Variants in DNAJC1 observed in about 807,000 individuals in gnomAD.
DNAJC1 encodes dnaJ homolog subfamily C member 1.
DNAJC1 carries 58 observed loss-of-function variants against 76.6 expected under a neutral mutation model. The observed-to-expected ratio is 0.76, with a 90% CI of 0.61 to 0.94. The LOEUF (loss-of-function observed/expected upper bound fraction) is 0.94. DNAJC1 is among the 40% of genes least tolerant of loss of function. The pLI is 0.00. For missense variants in DNAJC1, 689 were observed against 677.3 expected, an observed-to-expected ratio of 1.02 and a Z score of -0.19; for synonymous variants, 258 against 267.9, an observed-to-expected ratio of 0.96 and a Z score of 0.36.
At chr10:21,760,482 T>TA (rs1834228086) in intron 10 of DNAJC1, among the ~76,000 whole-genome samples, 1 of 152,188 alleles carries the variant, frequency 6.6e-6, no homozygotes, top group Non-Finnish European at 1.5e-5. Context: ...TTTTCAATTA[T>TA]TAAATTGGCA....
In DNAJC1 at chr10:22,003,619, C is replaced by G. The variant is rs957020146; in HGVS notation, c.-185G>C. ...GAGGCGGCGGGAGCCGGCTGCCGGA[C>G]GGGCGGGTGGGTAGGCGGGCGGGGC... On this transcript the variant is annotated 5_prime_UTR_variant, in exon 1 of 12. Coordinates refer to ENST00000376980, the MANE Select transcript of DNAJC1 (RefSeq NM_022365.4). 9 of 572,284 alleles carry G rather than the reference C, an allele frequency of 1.6e-5. No homozygotes were observed. The highest frequency in any genetic ancestry group is 6.3e-5 in the South Asian group (1 of 15,774). 35.5% of individuals were successfully genotyped at this position (572,284 alleles called of 1,614,324 possible).
At chr10:21,766,093 G>A (rs551642389) in intron 10 of DNAJC1, among the ~76,000 whole-genome samples, 168 bp downstream of exon 10, 1 of 152,308 alleles carries the variant, frequency 6.6e-6, no homozygotes, top group South Asian at 2.1e-4. Context: ...TGCAGGGCTG[G>A]ACTGGCTTGC....
chr10:21,961,364 T>C (rs910613016), intron 1 of DNAJC1, among the ~76,000 whole-genome samples: 2 of 152,230 alleles, frequency 1.3e-5, no homozygotes, highest in African/African-American at 2.4e-5. Context: ...AAATGCAGTA[T>C]ATACATACAA....
chr10:21,806,723 G>A (rs1474247285), intron 8 of DNAJC1, among the ~76,000 whole-genome samples: 8 of 149,786 alleles, frequency 5.3e-5, no homozygotes, highest in African/African-American at 7.4e-5. Context: ...TTTAAACTTC[G>A]GAACAGAAAT....
intron 1 of DNAJC1, among the ~76,000 whole-genome samples, chr10:21,942,159 C>T (rs1479363631): frequency 3.3e-5 from 5 of 151,916 alleles, no homozygotes; most frequent in Non-Finnish European, 4.4e-5. Context: ...GAAAAACAGA[C>T]GCAAACAAAA....
At chr10:21,770,157 T>A (rs1834356064) in intron 9 of DNAJC1, among the ~76,000 whole-genome samples, 2 of 152,166 alleles carry the variant, frequency 1.3e-5, no homozygotes, top group Non-Finnish European at 2.9e-5. Flanking sequence ...CCCTTCTCTC[T>A]CAGACCTCCA....
At position 21,860,140 on chromosome 10, in the gene DNAJC1, C is replaced by T. The variant is rs965084306; in HGVS notation, c.978+22142G>A. 8.3e-4 allele frequency among the ~76,000 whole-genome samples: 123 copies of T among 148,350 alleles called. 1 individual carries two copies. The highest frequency in any genetic ancestry group is 6.5e-4 in the Non-Finnish European group (44 of 67,430). On this transcript the variant is annotated intron_variant, in intron 8 of 11. Transcript: ENST00000376980. ...GGTAACTAGGACATACATTTATCTT[C>T]ACTTTGGTTTATACTAATGAAAAGG...
intron 9 of DNAJC1, among the ~76,000 whole-genome samples, chr10:21,799,323 G>T (rs1361378569): frequency 6.6e-6 from 1 of 151,928 alleles, no homozygotes; most frequent in Non-Finnish European, 1.5e-5. Context: ...TTTTGAGACA[G>T]GGGCTCACTC....
chr10:21,918,747 A>T (rs777990309), intron 6 of DNAJC1, 32 bp downstream of exon 6: 1 of 1,487,862 alleles, frequency 6.7e-7, no homozygotes, highest in Admixed American at 1.7e-5. Context: ...AAAATAAAAG[A>T]TCTAATGTTA....
intron 7 of DNAJC1, among the ~76,000 whole-genome samples, chr10:21,902,506 T>C (rs1224615921): frequency 3.3e-5 from 5 of 152,136 alleles, no homozygotes; most frequent in Non-Finnish European, 5.9e-5. Flanking sequence ...GGTTTCACCA[T>C]GTTGTCCAGG....
In DNAJC1 at chr10:21,882,439, T is replaced by A. The variant is rs1401517866; in HGVS notation, c.821A>T (p.Lys274Ile). 1 of 1,479,554 alleles carries A rather than the reference T, an allele frequency of 6.8e-7. No homozygotes were observed. The allele number at this position is 1,479,554 out of a possible 1,614,324, so 91.7% of individuals were successfully genotyped here. ...LTRTELETLQ[K>I]QKKVKKPKPE... ...TTTTGGTTTTTTAACTTTCTTCTGTTCTAAAAAATGTTTAAAAGAACCAAT... is the reference window on the plus strand; with the variant it reads ...TTTTGGTTTTTTAACTTTCTTCTGTACTAAAAAATGTTTAAAAGAACCAAT... Residue 274 changes from lysine (K) to isoleucine (I), a missense_variant and splice_region_variant, in exon 8 of 12, where the codon AAA becomes ATA. Transcript: ENST00000376980.
chr10:21,859,999 G>T (rs1835896087), intron 8 of DNAJC1, among the ~76,000 whole-genome samples: 1 of 151,930 alleles, frequency 6.6e-6, no homozygotes, highest in Non-Finnish European at 1.5e-5. Context: ...GGCCAGGCTG[G>T]TCTCAAACTC....
chr10:21,813,220 C>A (rs2793342), intron 8 of DNAJC1, among the ~76,000 whole-genome samples: 6,129 of 18,258 alleles, frequency 0.34, 1,320 homozygotes, highest in African/African-American at 0.37. Flanking sequence ...CTCTCTCTCT[C>A]TATATATATA....
At chr10:21,838,445 A>G (rs1303691057) in intron 8 of DNAJC1, among the ~76,000 whole-genome samples, 3 of 152,102 alleles carry the variant, frequency 2.0e-5, no homozygotes, top group African/African-American at 7.2e-5. Context: ...AAGAGTCATC[A>G]CCACTCCGTA....
chr10:21,935,748 G>A (rs1163241409), intron 1 of DNAJC1, among the ~76,000 whole-genome samples: 4 of 151,952 alleles, frequency 2.6e-5, no homozygotes, highest in African/African-American at 9.7e-5. Flanking sequence ...TCATGTATAA[G>A]GGATCTCCAA....
chr10:21,913,560 T>C (rs1836902743), intron 6 of DNAJC1, among the ~76,000 whole-genome samples: 1 of 152,208 alleles, frequency 6.6e-6, no homozygotes, highest in Non-Finnish European at 1.5e-5. Context: ...CACAGAGCAC[T>C]GATTATATGT....
intron 6 of DNAJC1, among the ~76,000 whole-genome samples, chr10:21,907,174 T>C (rs1235483370): frequency 3.9e-5 from 6 of 152,192 alleles, no homozygotes; most frequent in Non-Finnish European, 4.4e-5. Context: ...TCCTCACTTA[T>C]CTGAGGACTG....
In DNAJC1 at chr10:21,855,087, T is replaced by C. The variant is rs2131692908; in HGVS notation, c.978+27195A>G. On this transcript the variant is annotated intron_variant, in intron 8 of 11. Transcript: ENST00000376980. ...AAGATCTGACTTTTTTTGTATTGCATTGTTAAAAAGTTCTACCTCTAATAG... is the reference window on the plus strand; with the variant it reads ...AAGATCTGACTTTTTTTGTATTGCACTGTTAAAAAGTTCTACCTCTAATAG... Among the ~76,000 whole-genome samples the C allele has an allele frequency of 2.0e-5, 3 of 152,296 alleles. 1 individual carries two copies. Among genetic ancestry groups the C allele is most frequent in the Admixed American group, 2.0e-4 (3 of 15,290 alleles).
At chr10:21,899,116 A>G (rs550648968) in intron 7 of DNAJC1, among the ~76,000 whole-genome samples, 1 of 152,290 alleles carries the variant, frequency 6.6e-6, no homozygotes, top group East Asian at 1.9e-4. Flanking sequence ...CACTTCTCTC[A>G]CATATCTATG....
Sources: allele counts gnomAD v4.1 joint callset (sites outside exome capture counted in the v4.1 genomes callset), GRCh38; gene constraint gnomAD v4.1.1; transcripts MANE v1.5; gene names NCBI Gene and HGNC (gene_info 2026-07-23, HGNC 2026-07-21).